EPHA7: variants seen among roughly 807,000 people sequenced by gnomAD.
EPHA7 encodes the protein EPH receptor A7, also known as ephrin type-A receptor 7.
Under a neutral mutation model 112.6 loss-of-function variants are expected in EPHA7, and 25 were observed. The ratio of observed to expected loss-of-function variants is 0.22; its 90% CI spans 0.16 to 0.31. The LOEUF is 0.31. Among genes scored for constraint, EPHA7 ranks in the 10% least tolerant of loss-of-function variants. EPHA7 has a pLI of 1.00. For synonymous variants in EPHA7, 437 were observed against 406.5 expected, an observed-to-expected ratio of 1.07 and a Z score of -0.90; for missense variants, 962 against 1,212.6, an observed-to-expected ratio of 0.79 and a Z score of 3.07.
At chr6:93,249,595 C>T (rs1205792826) in intron 14 of EPHA7, among the ~76,000 whole-genome samples, 1 of 152,064 alleles carries the variant, frequency 6.6e-6, no homozygotes, top group Non-Finnish European at 1.5e-5. Flanking sequence ...CAGTCTATTT[C>T]TGATTTGACA....
chr6:93,354,818 T>G (rs1185688704), intron 5 of EPHA7, among the ~76,000 whole-genome samples: 5 of 152,022 alleles, frequency 3.3e-5, no homozygotes, highest in African/African-American at 4.8e-5. Flanking sequence ...TTTAGGAACA[T>G]GAAAAGACAT....
chr6:93,349,028 A>C (rs1435109781), intron 5 of EPHA7, among the ~76,000 whole-genome samples: 1 of 151,826 alleles, frequency 6.6e-6, no homozygotes, highest in Non-Finnish European at 1.5e-5. Context: ...TAAATTCGGA[A>C]TGTGAAGATA....
At position 93,419,270 on chromosome 6, in the gene EPHA7, T is replaced by C; in HGVS notation, c.72A>G (p.Thr24=). The change falls in exon 1 of 17, where the codon ACA becomes ACG. Residue 24 remains threonine, a synonymous_variant. Transcript: ENST00000369303. ...CTTCCTTCGCAGCCTGCGCCTCCCC[T>C]GTGTGTGCAAAGCGGAGCAGCCAGA... is the stretch of plus-strand genomic sequence containing the variant. The part of the protein sequence containing the change: ...CYIWLLRFAH[T]GEAQAAKEVL... 1.2e-6 allele frequency: 2 copies of C among 1,613,880 alleles called. No homozygotes were observed. Among genetic ancestry groups the C allele is most frequent in the African/African-American group, 2.7e-5 (2 of 75,048 alleles).
At chr6:93,254,220 A>G (rs140817441) in intron 14 of EPHA7, among the ~76,000 whole-genome samples, 1 of 152,262 alleles carries the variant, frequency 6.6e-6, no homozygotes, top group Non-Finnish European at 1.5e-5. Flanking sequence ...AATCAACAGT[A>G]GATAATTTAA....
chr6:93,248,376 C>T (rs901593961), intron 14 of EPHA7, among the ~76,000 whole-genome samples: 3 of 151,830 alleles, frequency 2.0e-5, no homozygotes, highest in African/African-American at 7.3e-5. Context: ...TAAGAAAAAT[C>T]TCTAACTCTA....
intron 5 of EPHA7, among the ~76,000 whole-genome samples, chr6:93,299,971 T>C (rs1404692262): frequency 6.6e-6 from 1 of 152,092 alleles, no homozygotes; most frequent in South Asian, 2.1e-4. Context: ...TGGAGCCTAC[T>C]TGAAGATGGA....
chr6:93,244,891 GT>G (rs1267184332), intron 16 of EPHA7, among the ~76,000 whole-genome samples: 1 of 152,132 alleles, frequency 6.6e-6, no homozygotes, highest in African/African-American at 2.4e-5. Context: ...AATGGAGAAA[GT>G]TTCCCCAGTG....
At chr6:93,351,000 C>T (rs769527246) in intron 5 of EPHA7, among the ~76,000 whole-genome samples, 36 of 151,980 alleles carry the variant, frequency 2.4e-4, no homozygotes, top group Non-Finnish European at 4.6e-4. Flanking sequence ...TATTCTTTTG[C>T]ATAATTTAAC....
chr6:93,386,049 G>T (rs1777588254), intron 3 of EPHA7, among the ~76,000 whole-genome samples: 1 of 152,142 alleles, frequency 6.6e-6, no homozygotes, highest in African/African-American at 2.4e-5. Context: ...TACAATTCAA[G>T]ATGAAATTTG....
At chr6:93,417,813 G>A (rs1455394885) in intron 1 of EPHA7, among the ~76,000 whole-genome samples, 4 of 152,056 alleles carry the variant, frequency 2.6e-5, no homozygotes, top group Non-Finnish European at 5.9e-5. Flanking sequence ...TTGGAGGCAC[G>A]GGGTTCTCTG....
In EPHA7 at chr6:93,404,460, A is replaced by G. The variant is rs76051432; in HGVS notation, c.832+6041T>C. Among the ~76,000 whole-genome samples the G allele has an allele frequency of 8.6e-3, 1,312 of 152,028 alleles. 19 individuals carry two copies. The highest frequency in any genetic ancestry group is 0.03 in the African/African-American group (1,252 of 41,500). On this transcript the variant is annotated intron_variant, in intron 3 of 16. Coordinates refer to ENST00000369303, the MANE Select transcript of EPHA7 (RefSeq NM_004440.4). ...GGAATAAGGATTCGGAAGCCAGACT[A>G]GCTTGATTAAAAAGCAGTTCACCAC... is the stretch of plus-strand genomic sequence containing the variant.
intron 3 of EPHA7, among the ~76,000 whole-genome samples, chr6:93,392,419 A>G (rs977578398): frequency 2.0e-5 from 3 of 151,918 alleles, no homozygotes; most frequent in African/African-American, 7.2e-5. Flanking sequence ...GGAACTACTG[A>G]TTTATTTTTC....
intron 3 of EPHA7, among the ~76,000 whole-genome samples, chr6:93,365,366 C>T (rs574962444): frequency 2.0e-5 from 3 of 152,294 alleles, no homozygotes; most frequent in African/African-American, 7.2e-5. Context: ...TTATTTATTG[C>T]AGATGAATAT....
At chr6:93,252,141 C>A (rs1259085643) in intron 14 of EPHA7, among the ~76,000 whole-genome samples, 1 of 151,836 alleles carries the variant, frequency 6.6e-6, no homozygotes, top group East Asian at 1.9e-4. Context: ...CTACACCACC[C>A]TTTTGTGTCT....
chr6:93,267,538 T>C (rs1201108629), intron 7 of EPHA7, among the ~76,000 whole-genome samples: 1 of 151,864 alleles, frequency 6.6e-6, no homozygotes, highest in African/African-American at 2.4e-5. Context: ...CCTGAAACCA[T>C]AGTAGGCACT....
At chr6:93,339,652 A>G (rs1048014906) in intron 5 of EPHA7, among the ~76,000 whole-genome samples, 2 of 151,666 alleles carry the variant, frequency 1.3e-5, no homozygotes, top group Non-Finnish European at 3.0e-5. Flanking sequence ...TTTTATGTCT[A>G]TTTTTCTCTA....
Position 93,246,496 on chromosome 6 carries a change from T to C in EPHA7, c.2726+296A>G, listed in dbSNP as rs1403404927. On this transcript the variant is annotated intron_variant, in intron 15 of 16. Coordinates refer to ENST00000369303, the MANE Select transcript of EPHA7 (RefSeq NM_004440.4). ...AATAATAATAATATTGGTCTGAAAA[T>C]ATGAACTGCTGCTATCTTATCACAA... is the stretch of plus-strand genomic sequence containing the variant. 2.6e-5 allele frequency among the ~76,000 whole-genome samples: 4 copies of C among 152,090 alleles called. No individual in the cohort carries two copies. In the East Asian group the frequency reaches 5.8e-4, roughly 22 times the overall value.
intron 3 of EPHA7, among the ~76,000 whole-genome samples, chr6:93,394,376 T>C (rs1269326033): frequency 6.6e-6 from 1 of 151,768 alleles, no homozygotes; most frequent in Non-Finnish European, 1.5e-5. Context: ...TCAGCGAAGT[T>C]ACTATCAACA....
intron 5 of EPHA7, among the ~76,000 whole-genome samples, chr6:93,351,698 G>A (rs1775703784): frequency 1.3e-5 from 2 of 151,826 alleles, no homozygotes; most frequent in Non-Finnish European, 2.9e-5. Context: ...GTTGCCTATG[G>A]GGAAAATATG....
Sources: allele counts gnomAD v4.1 joint callset (sites outside exome capture counted in the v4.1 genomes callset), GRCh38; gene constraint gnomAD v4.1.1; transcripts MANE v1.5; gene names NCBI Gene and HGNC (gene_info 2026-07-23, HGNC 2026-07-21).